The following HMCES variants were observed in gnomAD, a reference collection of about 807,000 sequenced individuals.
HMCES encodes the protein 5-hydroxymethylcytosine binding, ES cell specific.
In HMCES, 27 loss-of-function variants were observed where a neutral mutation model predicts 35.1. That is an observed-to-expected ratio of 0.77 (90% CI 0.57 to 1.06). The LOEUF is 1.06. Among genes scored for constraint, HMCES ranks in the 50% least tolerant of loss-of-function variants. The pLI, the probability that HMCES is intolerant of heterozygous loss-of-function variation, is 0.00. For missense variants in HMCES, 391 were observed against 430.4 expected (o/e 0.91, Z 0.81); for synonymous variants, 130 against 154.7 (o/e 0.84, Z 1.18).
chr3:129,279,862 A>G lies in HMCES; in HGVS notation c.130A>G (p.Lys44Glu). 6.2e-7 allele frequency: 1 copy of G among 1,610,896 alleles called. No homozygotes were observed. Among genetic ancestry groups the G allele is most frequent in the Non-Finnish European group, 8.5e-7 (1 of 1,179,026 alleles). The change falls in exon 2 of 7, where the codon AAG becomes GAG. Residue 44 changes from lysine to glutamate, a missense_variant. Physicochemically the swap from Lys to Glu is moderately conservative, Grantham distance 56. Transcript: ENST00000383463. This position sits in a 1 kb window ranked among gnomAD's most constrained non-coding sequence, Gnocchi z 4.2. ...TGATAAGTACTGCCCCTCTTACAAC[A>G]AGAGTCCTCAATCCAACAGCCCAGT... ...DPDKYCPSYN[K>E]SPQSNSPVLL...
chr3:129,279,575 T>G lies in HMCES; in HGVS notation c.-23-135T>G. On this transcript the variant is annotated intron_variant, in intron 1 of 6. Coordinates refer to ENST00000383463, the MANE Select transcript of HMCES (RefSeq NM_020187.3). The surrounding 1 kb of genome is among the most constrained non-coding windows in gnomAD (Gnocchi z 4.2). ...GGCACATCCTTGTCTTTGTGGGACT[T>G]TTTGGGGAAGACTTTAGACGGTGGT... 3.6e-6 allele frequency: 3 copies of G among 843,326 alleles called. No homozygotes were observed. Among genetic ancestry groups the G allele is most frequent in the Non-Finnish European group, 5.5e-6 (3 of 549,668 alleles). 52.2% of individuals were successfully genotyped at this position (843,326 alleles called of 1,614,324 possible). A position where few individuals can be genotyped will look rare whatever the true frequency, so the allele number is the denominator to read the frequency against.
At chr3:129,282,245 A>G (rs1259776553) in intron 2 of HMCES, among the ~76,000 whole-genome samples, 2 of 149,920 alleles carry the variant, frequency 1.3e-5, no homozygotes, top group African/African-American at 2.5e-5. Flanking sequence ...GAATTGCTTC[A>G]GGCCAGGATT....
At chr3:129,290,100 T>C (rs1188336833) in intron 3 of HMCES, among the ~76,000 whole-genome samples, 1 of 145,110 alleles carries the variant, frequency 6.9e-6, no homozygotes, top group Non-Finnish European at 1.5e-5. Context: ...GGCAGGAGAA[T>C]GGCTTAAGTA....
At chr3:129,280,727 T>G (rs748665472) in intron 2 of HMCES, among the ~76,000 whole-genome samples, 3 of 152,230 alleles carry the variant, frequency 2.0e-5, no homozygotes, top group Non-Finnish European at 4.4e-5. Context: ...TATCTGAAGT[T>G]TAATTGCATT....
intron 4 of HMCES, among the ~76,000 whole-genome samples, chr3:129,293,896 G>A (rs973539796): frequency 3.3e-5 from 5 of 152,008 alleles, no homozygotes; most frequent in Non-Finnish European, 4.4e-5. Context: ...ACTACAGATA[G>A]TTGGATTTTC....
chr3:129,281,875 C>T (rs561801327), intron 2 of HMCES, among the ~76,000 whole-genome samples: 3 of 137,730 alleles, frequency 2.2e-5, no homozygotes, highest in South Asian at 2.2e-4. Flanking sequence ...TGCAGTGAGT[C>T]GAGAATGTGC....
chr3:129,288,854 G>A lies in HMCES; in HGVS notation c.184G>A (p.Asp62Asn). Residue 62 changes from aspartate to asparagine, a missense_variant and splice_region_variant, in exon 3 of 7, where the codon GAT becomes AAT. Coordinates refer to ENST00000383463, the MANE Select transcript of HMCES (RefSeq NM_020187.3). ...TCACTAGATCTTCTCTCCGTGGCAG[G>A]ATGCAGACTCATCTGAGCGTATCAT... ...VLLSRLHFEK[D>N]ADSSERIIAP... is the part of the protein sequence containing the mutation. 6.6e-7 allele frequency: 1 copy of A among 1,524,150 alleles called. No individual in the cohort carries two copies. Among genetic ancestry groups the A allele is most frequent in the Non-Finnish European group, 8.9e-7 (1 of 1,117,618 alleles). 94.4% of individuals were successfully genotyped at this position (1,524,150 alleles called of 1,614,324 possible).
At chr3:129,292,077 A>G (rs1239521377) in intron 4 of HMCES, among the ~76,000 whole-genome samples, 1 of 152,122 alleles carries the variant, frequency 6.6e-6, no homozygotes, top group Non-Finnish European at 1.5e-5. Flanking sequence ...CCCCATCTCA[A>G]AAATGAAACA....
intron 4 of HMCES, 126 bp downstream of exon 4, chr3:129,290,930 C>T (rs983737367): frequency 9.1e-6 from 8 of 880,606 alleles, no homozygotes; most frequent in Admixed American, 5.1e-5. Flanking sequence ...TGGCCCAGTG[C>T]GGTGGCTCAC....
chr3:129,292,773 T>G (rs1043393710), intron 4 of HMCES, among the ~76,000 whole-genome samples: 6 of 152,084 alleles, frequency 3.9e-5, no homozygotes, highest in African/African-American at 1.2e-4. Context: ...CGTGAGCCAC[T>G]GCGCCTGGCC....
chr3:129,282,741 C>G (rs537277107), intron 2 of HMCES, among the ~76,000 whole-genome samples: 2 of 152,258 alleles, frequency 1.3e-5, no homozygotes, highest in Admixed American at 1.3e-4. Flanking sequence ...ATATAGATAG[C>G]AACATTTTCA....
intron 4 of HMCES, among the ~76,000 whole-genome samples, chr3:129,292,048 C>T (rs984438857): frequency 6.6e-6 from 1 of 151,954 alleles, no homozygotes; most frequent in Admixed American, 6.6e-5. Flanking sequence ...TGTACTCCAG[C>T]CTGAGTGACA....
rs1419929673 is a variant in HMCES, at chr3:129,302,086, A to C, written c.772A>C (p.Asn258His). Residue 258 changes from asparagine (N) to histidine (H), a missense_variant, in exon 6 of 7, where the codon AAC (asparagine) becomes CAC (histidine). Coordinates refer to ENST00000383463, the MANE Select transcript of HMCES (RefSeq NM_020187.3). ...TFHAVSSVVN[N>H]SRNNTPECLA... ...CCATGCAGTCTCTTCTGTGGTGAAC[A>C]ACTCGCGAAACAACACTCCTGAGTG... The C allele has an allele frequency of 6.2e-7, 1 of 1,614,100 alleles. No homozygotes were observed. The highest frequency in any genetic ancestry group is 2.2e-5 in the East Asian group (1 of 44,882).
At chr3:129,286,003 T>C (rs528605495) in intron 2 of HMCES, among the ~76,000 whole-genome samples, 2 of 152,328 alleles carry the variant, frequency 1.3e-5, no homozygotes, top group Admixed American at 1.3e-4. Context: ...GTGCTGGGAT[T>C]ACAGGCGTGA....
chr3:129,298,897 C>T (rs1207410044), intron 5 of HMCES, among the ~76,000 whole-genome samples: 1 of 152,182 alleles, frequency 6.6e-6, no homozygotes, highest in Non-Finnish European at 1.5e-5. Context: ...GTAATCCCAG[C>T]ACTTTGGGAT....
intron 4 of HMCES, among the ~76,000 whole-genome samples, chr3:129,291,738 A>T (rs1391342569): frequency 6.6e-6 from 1 of 152,166 alleles, no homozygotes; most frequent in Non-Finnish European, 1.5e-5. Context: ...TGGAATTGCT[A>T]GGTCATATTA....
Position 129,288,974 on chromosome 3 carries a change from G to A in HMCES, c.304G>A (p.Val102Ile), listed in dbSNP as rs573858849. The A allele has an allele frequency of 1.1e-5, 18 of 1,573,636 alleles. No homozygotes were observed. The highest frequency in any genetic ancestry group is 3.4e-5 in the Admixed American group (2 of 59,472). ...TACTACCAACTGTCGTAGTGATACC[G>A]TAATGGAGAAACGGTCATTTAAGGT... ...FNTTNCRSDT[V>I]MEKRSFKVPL... Residue 102 changes from valine (V) to isoleucine (I), a missense_variant, in exon 3 of 7, where the codon GTA (valine) becomes ATA (isoleucine). Val to Ile is a conservative substitution (Grantham distance 29). Coordinates refer to ENST00000383463, the MANE Select transcript of HMCES (RefSeq NM_020187.3).
intron 5 of HMCES, among the ~76,000 whole-genome samples, chr3:129,300,384 C>T (rs758692054): frequency 6.6e-6 from 1 of 152,124 alleles, no homozygotes; most frequent in Non-Finnish European, 1.5e-5. Flanking sequence ...TTGCATTGTG[C>T]TCCAATTGCT....
chr3:129,287,680 G>C (rs1940673976), intron 2 of HMCES, among the ~76,000 whole-genome samples: 2 of 152,180 alleles, frequency 1.3e-5, no homozygotes, highest in Admixed American at 6.6e-5. Context: ...GAGTTGTTGA[G>C]GGCCAACCTT....
Sources: allele counts gnomAD v4.1 joint callset (sites outside exome capture counted in the v4.1 genomes callset), GRCh38; gene constraint gnomAD v4.1.1; non-coding constraint Gnocchi (gnomAD v3.1); transcripts MANE v1.5; gene names NCBI Gene and HGNC (gene_info 2026-07-23, HGNC 2026-07-21).